The following SLC6A11 variants were observed in gnomAD, a reference collection of about 807,000 sequenced individuals.
SLC6A11 encodes the protein sodium- and chloride-dependent GABA transporter 3.
Under a neutral mutation model 74.8 loss-of-function variants are expected in SLC6A11, and 25 were observed. The ratio of observed to expected loss-of-function variants is 0.33; its 90% CI spans 0.24 to 0.47. The LOEUF (loss-of-function observed/expected upper bound fraction) is 0.47. Ranked by LOEUF, SLC6A11 falls within the 20% of genes least tolerant of loss-of-function variation. SLC6A11 has a pLI of 1.00. For synonymous variants in SLC6A11, 330 were observed against 330.2 expected, an observed-to-expected ratio of 1.00 and a Z score of 0.01; for missense variants, 574 against 837.0, an observed-to-expected ratio of 0.69 and a Z score of 3.88.
chr3:10,855,216 A>G (rs1368079543), intron 5 of SLC6A11, among the ~76,000 whole-genome samples: 1 of 152,248 alleles, frequency 6.6e-6, no homozygotes, highest in East Asian at 1.9e-4. Flanking sequence ...TGATACAAGC[A>G]TCCTGTGGAG....
chr3:10,823,516 C>A, intron 4 of SLC6A11, 124 bp downstream of exon 4: 2 of 687,158 alleles, frequency 2.9e-6, no homozygotes, highest in African/African-American at 1.8e-5. Context: ...TTCCTGGCTT[C>A]TGTGAGCATT....
At chr3:10,873,548 T>TCCTATGTCATGCTATCCTATCCTAC (rs1553671160) in intron 5 of SLC6A11, among the ~76,000 whole-genome samples, 1 of 139,266 alleles carries the variant, frequency 7.2e-6, no homozygotes, top group African/African-American at 2.8e-5. Flanking sequence ...TCCTATCCTA[T>TCCTATGTCATGCTATCCTATCCTAC]CCTACCCTAC....
chr3:10,848,390 T>G (rs75488805), intron 5 of SLC6A11, among the ~76,000 whole-genome samples: 6,025 of 152,342 alleles, frequency 0.04, 170 homozygotes, highest in Middle Eastern at 0.078. Flanking sequence ...ATACATGTTC[T>G]TCTCCACAAA....
chr3:10,900,207 C>T (rs984323682), intron 6 of SLC6A11, among the ~76,000 whole-genome samples: 3 of 152,140 alleles, frequency 2.0e-5, no homozygotes, highest in Non-Finnish European at 4.4e-5. Flanking sequence ...AAGCTGCAAT[C>T]GGAGCCAGGT....
intron 5 of SLC6A11, among the ~76,000 whole-genome samples, chr3:10,849,235 C>A (rs1057137592): frequency 1.3e-5 from 2 of 152,196 alleles, no homozygotes; most frequent in African/African-American, 2.4e-5. Flanking sequence ...TTGCTTTCTT[C>A]AGGAGATAAC....
intron 6 of SLC6A11, among the ~76,000 whole-genome samples, chr3:10,891,634 ACTT>A (rs762401336): frequency 6.6e-6 from 1 of 152,196 alleles, no homozygotes; most frequent in Non-Finnish European, 1.5e-5. Context: ...TGTAGGTCCA[ACTT>A]CTTCTTTTGT....
chr3:10,907,602 C>A (rs1351233041), intron 6 of SLC6A11, among the ~76,000 whole-genome samples: 2 of 152,142 alleles, frequency 1.3e-5, no homozygotes, highest in Non-Finnish European at 2.9e-5. Context: ...AAGTGTAGAA[C>A]AAAACCTGTT....
In SLC6A11 at chr3:10,938,514, A is replaced by T. The variant is rs1159982982; in HGVS notation, c.*112A>T. ...TAGGGGCTTGCTTGTTTTGCACAGG[A>T]TTAATTAACAAGTTAATTTTAAGGT... is the stretch of plus-strand genomic sequence containing the variant. On this transcript the variant is annotated 3_prime_UTR_variant, in exon 14 of 14. Transcript: ENST00000254488. 12 of 1,159,422 alleles carry T rather than the reference A, an allele frequency of 1.0e-5. No individual in the cohort carries two copies. The East Asian group carries it at 2.7e-4, about 26-fold the overall frequency. 71.8% of individuals were successfully genotyped at this position (1,159,422 alleles called of 1,614,324 possible).
chr3:10,889,239 T>A (rs1031993389), intron 6 of SLC6A11, among the ~76,000 whole-genome samples: 14 of 152,152 alleles, frequency 9.2e-5, no homozygotes, highest in African/African-American at 3.1e-4. Flanking sequence ...GGTGATACAT[T>A]TGCTATAATC....
At chr3:10,936,537 C>T (rs150228795) in intron 13 of SLC6A11, among the ~76,000 whole-genome samples, 45 of 140,336 alleles carry the variant, frequency 3.2e-4, no homozygotes, top group Non-Finnish European at 4.4e-4. Flanking sequence ...GCCTGCCCAC[C>T]GAGGGGCCTG....
chr3:10,885,742 A>G (rs774921775), intron 6 of SLC6A11, among the ~76,000 whole-genome samples: 5 of 133,022 alleles, frequency 3.8e-5, no homozygotes, highest in Admixed American at 8.0e-5. Context: ...GGTTGACCAG[A>G]TCTCTCCACT....
intron 7 of SLC6A11, 83 bp downstream of exon 7, chr3:10,912,276 C>A: frequency 1.0e-6 from 1 of 959,374 alleles, no homozygotes; most frequent in Non-Finnish European, 1.7e-6. Context: ...TGTTTGTCTG[C>A]CCACCTTGCA....
chr3:10,889,668 G>A lies in SLC6A11; in HGVS notation c.891+14573G>A, dbSNP rs1695085147. 2.6e-5 allele frequency among the ~76,000 whole-genome samples: 4 copies of A among 152,314 alleles called. 1 individual carries two copies. The highest frequency in any genetic ancestry group is 5.9e-5 in the Non-Finnish European group (4 of 68,028). ...CTGACTCCCTCAGGCCCCATCCCAA[G>A]CCTGCTCAATCAGATCCTGCATTTT... On this transcript the variant is annotated intron_variant, in intron 6 of 13. Transcript: ENST00000254488.
At chr3:10,844,383 G>A (rs1449689134) in intron 5 of SLC6A11, 37 bp downstream of exon 5, 22 of 1,613,504 alleles carry the variant, frequency 1.4e-5, no homozygotes, top group East Asian at 2.2e-5. Context: ...ACCGTGGCAG[G>A]GGAAGGCACG....
At chr3:10,894,887 T>C (rs1440973714) in intron 6 of SLC6A11, among the ~76,000 whole-genome samples, 1 of 152,222 alleles carries the variant, frequency 6.6e-6, no homozygotes, top group African/African-American at 2.4e-5. Context: ...AAACATCATG[T>C]CTAAACCACA....
At chr3:10,822,142 G>A (rs1694146697) in intron 3 of SLC6A11, among the ~76,000 whole-genome samples, 1 of 152,238 alleles carries the variant, frequency 6.6e-6, no homozygotes, top group Non-Finnish European at 1.5e-5. Flanking sequence ...ACACATAGGA[G>A]GTGATTCCTG....
intron 7 of SLC6A11, among the ~76,000 whole-genome samples, chr3:10,917,591 G>T (rs1046115037): frequency 2.0e-5 from 3 of 152,158 alleles, no homozygotes; most frequent in African/African-American, 7.2e-5. Context: ...GCCGGGACTC[G>T]AGGGTACCGT....
At chr3:10,892,735 G>T (rs762005283) in intron 6 of SLC6A11, among the ~76,000 whole-genome samples, 1 of 152,128 alleles carries the variant, frequency 6.6e-6, no homozygotes, top group Non-Finnish European at 1.5e-5. Context: ...TCCTTTGGAG[G>T]AGACAAAGCC....
chr3:10,924,817 C>G (rs1695581193), intron 8 of SLC6A11, among the ~76,000 whole-genome samples: 1 of 152,206 alleles, frequency 6.6e-6, no homozygotes, highest in Non-Finnish European at 1.5e-5. Flanking sequence ...AATGACACAT[C>G]TTAAAAGACT....
Sources: allele counts gnomAD v4.1 joint callset (sites outside exome capture counted in the v4.1 genomes callset), GRCh38; gene constraint gnomAD v4.1.1; transcripts MANE v1.5; gene names NCBI Gene and HGNC (gene_info 2026-07-23, HGNC 2026-07-21).